CDKAL1: variants seen among roughly 807,000 people sequenced by gnomAD.
CDKAL1 encodes CDKAL1 threonylcarbamoyladenosine tRNA methylthiotransferase.
CDKAL1 carries 32 observed loss-of-function variants against 68.2 expected under a neutral mutation model. The observed-to-expected ratio is 0.47, with a 90% CI of 0.35 to 0.63. The LOEUF (loss-of-function observed/expected upper bound fraction) is 0.63, where lower values mean the gene tolerates loss of function less well. Among genes scored for constraint, CDKAL1 ranks in the 30% least tolerant of loss-of-function variants. CDKAL1 has a pLI of 0.00. For synonymous variants in CDKAL1, 234 were observed against 244.3 expected (o/e 0.96, Z 0.39); for missense variants, 606 against 696.7 (o/e 0.87, Z 1.47).
At chr6:20,937,886 A>G (rs1446746956) in intron 9 of CDKAL1, among the ~76,000 whole-genome samples, 4 of 150,362 alleles carry the variant, frequency 2.7e-5, no homozygotes, top group Non-Finnish European at 5.9e-5. Context: ...ATTTTAATTA[A>G]TAAGTGTCTT....
chr6:20,554,842 T>C (rs1251038082), intron 4 of CDKAL1, among the ~76,000 whole-genome samples: 1 of 152,168 alleles, frequency 6.6e-6, no homozygotes, highest in Admixed American at 6.5e-5. Context: ...ATTGTATGTG[T>C]TTTTTGGTTA....
chr6:21,142,780 A>G (rs985878573), intron 13 of CDKAL1, among the ~76,000 whole-genome samples: 1 of 152,256 alleles, frequency 6.6e-6, no homozygotes, highest in Non-Finnish European at 1.5e-5. Flanking sequence ...AATTCAAGCA[A>G]GGCAACGTTA....
At chr6:20,904,833 G>A (rs1370956771) in intron 9 of CDKAL1, among the ~76,000 whole-genome samples, 2 of 151,926 alleles carry the variant, frequency 1.3e-5, no homozygotes, top group Non-Finnish European at 1.5e-5. Context: ...ATGTGGCCAG[G>A]AAGACGCACA....
At chr6:21,180,276 T>G (rs898275139) in intron 13 of CDKAL1, among the ~76,000 whole-genome samples, 8 of 152,216 alleles carry the variant, frequency 5.3e-5, no homozygotes, top group African/African-American at 1.9e-4. Context: ...ATGCTTGAAC[T>G]TTCTTATGAA....
intron 4 of CDKAL1, among the ~76,000 whole-genome samples, chr6:20,616,881 A>ACACACACACT (rs1334938532): frequency 6.7e-6 from 1 of 149,678 alleles, no homozygotes; most frequent in Non-Finnish European, 1.5e-5. Flanking sequence ...ACACACACAC[A>ACACACACACT]CTACAAAAAT....
At chr6:21,075,229 T>A (rs1293600940) in intron 12 of CDKAL1, among the ~76,000 whole-genome samples, 1 of 152,086 alleles carries the variant, frequency 6.6e-6, no homozygotes, top group Admixed American at 6.6e-5. Context: ...TAACAACAAG[T>A]CCCAAAAAAT....
At chr6:20,943,538 A>G (rs1561903989) in intron 9 of CDKAL1, among the ~76,000 whole-genome samples, 2 of 151,598 alleles carry the variant, frequency 1.3e-5, no homozygotes, top group South Asian at 4.2e-4. Flanking sequence ...TGTTCTGTTC[A>G]TTTTTATTAT....
intron 8 of CDKAL1, among the ~76,000 whole-genome samples, chr6:20,789,701 A>G (rs1182022407): frequency 1.3e-5 from 2 of 152,210 alleles, no homozygotes; most frequent in African/African-American, 2.4e-5. Context: ...ATAAAAAGCA[A>G]AAATTTAAAG....
At chr6:20,681,803 A>G (rs1770389434) in intron 5 of CDKAL1, among the ~76,000 whole-genome samples, 2 of 152,138 alleles carry the variant, frequency 1.3e-5, no homozygotes, top group South Asian at 2.1e-4. Context: ...CTCCTTTCCC[A>G]TGACATTACA....
chr6:20,549,580 ATATTTATT>A (rs55998379), intron 4 of CDKAL1, among the ~76,000 whole-genome samples: 74,822 of 147,762 alleles, frequency 0.51, 19,085 homozygotes, highest in Admixed American at 0.58. Flanking sequence ...CTTTACATTT[ATATTTATT>A]TATTTATTTA....
chr6:20,575,447 A>AC (rs1375270805), intron 4 of CDKAL1, among the ~76,000 whole-genome samples: 31 of 151,162 alleles, frequency 2.1e-4, no homozygotes, highest in African/African-American at 7.0e-4. Flanking sequence ...ACCACAAAAA[A>AC]AAAAAAAAAA....
intron 10 of CDKAL1, among the ~76,000 whole-genome samples, chr6:20,971,404 A>G (rs955368439): frequency 6.6e-6 from 1 of 152,218 alleles, no homozygotes; most frequent in Non-Finnish European, 1.5e-5. Flanking sequence ...TCGGAAAGAT[A>G]TTTGCTTTTG....
At chr6:20,701,751 A>G (rs1771372892) in intron 5 of CDKAL1, among the ~76,000 whole-genome samples, 1 of 152,106 alleles carries the variant, frequency 6.6e-6, no homozygotes, top group African/African-American at 2.4e-5. Context: ...TAAATATCCT[A>G]TGTACCTGGT....
chr6:21,010,869 G>T (rs1467891332), intron 11 of CDKAL1, among the ~76,000 whole-genome samples: 4 of 152,006 alleles, frequency 2.6e-5, no homozygotes, highest in Non-Finnish European at 5.9e-5. Context: ...AGATCATGAG[G>T]TCTGGAGATC....
intron 5 of CDKAL1, among the ~76,000 whole-genome samples, chr6:20,693,129 CAAAAAAAAAAAAAAA>C (rs70990059): frequency 1.5e-5 from 1 of 67,616 alleles, no homozygotes; most frequent in Admixed American, 1.8e-4. Flanking sequence ...GACTCTGTCT[CAAAAAAAAAAAAAAA>C]AAAAAAAAAA....
At chr6:21,091,913 G>T (rs1284096215) in intron 12 of CDKAL1, among the ~76,000 whole-genome samples, 11 of 120,092 alleles carry the variant, frequency 9.2e-5, no homozygotes, top group Non-Finnish European at 6.8e-5. Context: ...TTGAGACGGA[G>T]GCTCGCTGTG....
chr6:20,728,661 G>T (rs775693684), intron 5 of CDKAL1, among the ~76,000 whole-genome samples: 13 of 152,048 alleles, frequency 8.5e-5, no homozygotes, highest in Non-Finnish European at 1.2e-4. Context: ...CTGGTCCTCA[G>T]TTTCCTCTTT....
At chr6:20,773,255 G>A (rs913564223) in intron 7 of CDKAL1, among the ~76,000 whole-genome samples, 4 of 152,130 alleles carry the variant, frequency 2.6e-5, no homozygotes, top group African/African-American at 9.7e-5. Flanking sequence ...TTTCAAAGGA[G>A]TGTCACACTT....
intron 12 of CDKAL1, among the ~76,000 whole-genome samples, chr6:21,093,179 A>C (rs1444910407): frequency 6.6e-6 from 1 of 152,182 alleles, no homozygotes; most frequent in Non-Finnish European, 1.5e-5. Context: ...AAGAGAGAAA[A>C]GCCAGGTCAC....
Sources: allele counts gnomAD v4.1 joint callset (sites outside exome capture counted in the v4.1 genomes callset), GRCh38; gene constraint gnomAD v4.1.1; transcripts MANE v1.5; gene names NCBI Gene and HGNC (gene_info 2026-07-23, HGNC 2026-07-21).